RBM19: variants seen among roughly 807,000 people sequenced by gnomAD.
RBM19 encodes the protein RNA binding motif protein 19, also known as probable RNA-binding protein 19.
RBM19 carries 94 observed loss-of-function variants against 116.8 expected under a neutral mutation model. The ratio of observed to expected loss-of-function variants is 0.80; its 90% CI spans 0.68 to 0.95. The LOEUF is 0.95. Ranked by LOEUF, RBM19 falls within the 40% of genes least tolerant of loss-of-function variation. RBM19 has a pLI of 0.00. For synonymous variants in RBM19, 475 were observed against 494.1 expected (o/e 0.96, Z 0.51); for missense variants, 1,161 against 1,220.7 (o/e 0.95, Z 0.73).
At chr12:113,889,108 C>A (rs1880755883) in intron 21 of RBM19, among the ~76,000 whole-genome samples, 1 of 152,152 alleles carries the variant, frequency 6.6e-6, no homozygotes, top group Non-Finnish European at 1.5e-5. Flanking sequence ...CCACACATTT[C>A]CCTCTGGTCC....
intron 22 of RBM19, among the ~76,000 whole-genome samples, chr12:113,845,388 G>A (rs573627348): frequency 3.3e-5 from 5 of 152,120 alleles, no homozygotes; most frequent in African/African-American, 9.6e-5. Context: ...GGCTGTTCCC[G>A]CTTACTCTTT....
At position 113,937,062 on chromosome 12, in the gene RBM19, C is replaced by T. The variant is rs367588530; in HGVS notation, c.2013G>A (p.Lys671=). Residue 671 remains lysine (K), a synonymous_variant, in exon 16 of 24, where the codon AAG becomes AAA. Transcript: ENST00000261741. ...VFSSTAPQKK[K]LQDTPSEPME... Reference sequence around the variant, plus strand: ...TGGGTTCTGAAGGTGTGTCTTGGAGCTTTTTCTTCTGTGGGGCTGTGCTGG... The same window carrying T: ...TGGGTTCTGAAGGTGTGTCTTGGAGTTTTTTCTTCTGTGGGGCTGTGCTGG... 1.4e-5 allele frequency: 22 copies of T among 1,614,142 alleles called. No homozygotes were observed. Among genetic ancestry groups the T allele is most frequent in the Admixed American group, 5.0e-5 (3 of 60,018 alleles).
At chr12:113,940,307 C>T (rs920320935) in intron 14 of RBM19, 147 bp from the exon 15 acceptor site, 28 of 796,974 alleles carry the variant, frequency 3.5e-5, no homozygotes, top group African/African-American at 2.6e-4. Context: ...CCAGGAGGAA[C>T]GACCCTCTCT....
In RBM19 at chr12:113,825,274, GC is replaced by G. The variant is rs1874758881; in HGVS notation, c.2786-1954del. Among the ~76,000 whole-genome samples, 1 of 150,434 alleles carries G rather than the reference GC, an allele frequency of 6.6e-6. No homozygotes were observed. The highest frequency in any genetic ancestry group is 1.5e-5 in the Non-Finnish European group (1 of 67,516). ...GTGCCCACCTGCCTGCCACCTGAGA[GC>G]CTCAAGGCCTTGCAGCTCTACCCAT... On this transcript the variant is annotated intron_variant, in intron 23 of 23. Coordinates refer to ENST00000261741, the MANE Select transcript of RBM19 (RefSeq NM_016196.4). This position sits in a 1 kb window ranked among gnomAD's most constrained non-coding sequence, Gnocchi z 5.7.
At chr12:113,944,117 TG>T (rs1555245462) in intron 13 of RBM19, among the ~76,000 whole-genome samples, 1 of 102,590 alleles carries the variant, frequency 9.7e-6, no homozygotes, top group African/African-American at 3.8e-5. Context: ...TTTTTTTTTT[TG>T]GGGCAGACTC....
chr12:113,926,949 A>G, intron 17 of RBM19, 105 bp downstream of exon 17: 1 of 1,321,294 alleles, frequency 7.6e-7, no homozygotes, highest in Non-Finnish European at 1.0e-6. Flanking sequence ...CCAAGTGCAT[A>G]TTAACACGCA....
intron 21 of RBM19, among the ~76,000 whole-genome samples, chr12:113,861,325 A>C (rs530744574): frequency 3.3e-5 from 5 of 152,284 alleles, no homozygotes; most frequent in African/African-American, 1.2e-4. Context: ...GACTTCCCTA[A>C]GACCACCAGG....
At position 113,828,099 on chromosome 12, in the gene RBM19, C is replaced by CAAAAAAAAA. The variant is rs34234377; in HGVS notation, c.2786-4787_2786-4779dup. The stretch of plus-strand genomic sequence containing the variant: ...GCAACAGCAGCTCTCGACTCTGTCT[C>CAAAAAAAAA]AAAAAAAAAAAAAAAAAAAAAAGTG... On this transcript the variant is annotated intron_variant, in intron 23 of 23. Coordinates refer to ENST00000261741, the MANE Select transcript of RBM19 (RefSeq NM_016196.4). Among the ~76,000 whole-genome samples the CAAAAAAAAA allele has an allele frequency of 4.5e-5, 3 of 67,322 alleles. No individual in the cohort carries two copies. In the Admixed American group the frequency reaches 5.2e-4, roughly 12 times the overall value. 44.2% of individuals were successfully genotyped at this position (67,322 alleles called of 152,430 possible).
At chr12:113,872,257 C>A (rs1274786779) in intron 21 of RBM19, among the ~76,000 whole-genome samples, 2 of 145,340 alleles carry the variant, frequency 1.4e-5, no homozygotes, top group Non-Finnish European at 3.1e-5. Flanking sequence ...CCTGGCCGCC[C>A]CGTCTGAGAA....
chr12:113,823,421 T>C, intron 23 of RBM19, 100 bp from the exon 24 acceptor site: 1 of 1,011,672 alleles, frequency 9.9e-7, no homozygotes, highest in South Asian at 1.4e-5. Flanking sequence ...AGGGGAGAGA[T>C]GAGCAGAACA....
intron 21 of RBM19, among the ~76,000 whole-genome samples, chr12:113,913,128 T>C (rs1386573084): frequency 2.0e-5 from 3 of 152,176 alleles, no homozygotes; most frequent in African/African-American, 7.2e-5. Context: ...CTTGTGGTCT[T>C]TTGTTTCCCC....
chr12:113,964,604 G>T (rs1872724831), intron 1 of RBM19, among the ~76,000 whole-genome samples: 1 of 152,190 alleles, frequency 6.6e-6, no homozygotes, highest in South Asian at 2.1e-4. Context: ...ATATTTTTAA[G>T]TATACTACTC....
In RBM19 at chr12:113,844,586, G is replaced by A. The variant is rs1876781779; in HGVS notation, c.2785+82C>T. ...GTGCCCATAGCCTGCTGGGTCGAGG[G>A]CAGTTCTCTCAGATGTCCCACCCAC... On this transcript the variant is annotated intron_variant, in intron 23 of 23. Transcript: ENST00000261741. 5 of 1,511,470 alleles carry A rather than the reference G, an allele frequency of 3.3e-6. 1 individual carries two copies. The highest frequency in any genetic ancestry group is 2.6e-5 in the South Asian group (2 of 75,924). The allele number at this position is 1,511,470 out of a possible 1,614,324, so 93.6% of individuals were successfully genotyped here.
chr12:113,853,712 T>C (rs560983649), intron 22 of RBM19, among the ~76,000 whole-genome samples: 2 of 152,320 alleles, frequency 1.3e-5, no homozygotes, highest in African/African-American at 4.8e-5. Flanking sequence ...GTCCCCATTA[T>C]AGCTGCCCAG....
At position 113,940,093 on chromosome 12, in the gene RBM19, T is replaced by C; in HGVS notation, c.1805A>G (p.Gln602Arg). 2 of 1,614,056 alleles carry C rather than the reference T, an allele frequency of 1.2e-6. No individual in the cohort carries two copies. Among genetic ancestry groups the C allele is most frequent in the Non-Finnish European group, 1.7e-6 (2 of 1,179,962 alleles). The change falls in exon 15 of 24, where the codon CAG (glutamine) becomes CGG (arginine). Residue 602 changes from glutamine to arginine, a missense_variant. Coordinates refer to ENST00000261741, the MANE Select transcript of RBM19 (RefSeq NM_016196.4). ...KNLPAGTLAA[Q>R]LQETFGHFGS... ...AAAATGGCCGAAGGTCTCCTGCAGCTGGGCCGCCAGGGTGCCTGCCGGGAG... is the reference window on the plus strand; with the variant it reads ...AAAATGGCCGAAGGTCTCCTGCAGCCGGGCCGCCAGGGTGCCTGCCGGGAG...
intron 1 of RBM19, 92 bp from the exon 2 acceptor site, chr12:113,962,506 C>T (rs778447906): frequency 1.1e-5 from 14 of 1,296,108 alleles, no homozygotes; most frequent in African/African-American, 4.4e-5. Context: ...ACGAGATTCT[C>T]CAAGGGTGGC....
chr12:113,910,296 G>A (rs965089983), intron 21 of RBM19, among the ~76,000 whole-genome samples: 3 of 152,226 alleles, frequency 2.0e-5, no homozygotes, highest in Non-Finnish European at 4.4e-5. Context: ...CCACCCTGCA[G>A]GCGAGCAAAC....
At chr12:113,930,286 A>T (rs1869483191) in intron 16 of RBM19, among the ~76,000 whole-genome samples, 1 of 152,184 alleles carries the variant, frequency 6.6e-6, no homozygotes, top group Admixed American at 6.5e-5. Flanking sequence ...TCCCAGTCTC[A>T]CAAGGGTAAT....
rs868809438 is a variant in RBM19 at position 113,844,724 on chromosome 12, G to C, written c.2729C>G (p.Ala910Gly). ...LYGRRLVLEWADSEVTLQALR... is the reference protein window; with the variant it reads ...LYGRRLVLEWGDSEVTLQALR... ...GGCCTGCAGGGTCACCTCGGAGTCG[G>C]CCCACTCCAGCACCAGCCTCCGCCC... Residue 910 changes from alanine to glycine, a missense_variant, in exon 23 of 24, where the codon GCC becomes GGC. Transcript: ENST00000261741. The C allele has an allele frequency of 6.2e-7, 1 of 1,613,226 alleles. No homozygotes were observed.
Sources: allele counts gnomAD v4.1 joint callset (sites outside exome capture counted in the v4.1 genomes callset), GRCh38; gene constraint gnomAD v4.1.1; non-coding constraint Gnocchi (gnomAD v3.1); transcripts MANE v1.5; gene names NCBI Gene and HGNC (gene_info 2026-07-23, HGNC 2026-07-21).